The following FHIP2A variants were observed in gnomAD, a reference collection of about 807,000 sequenced individuals.
FHIP2A encodes the protein family with sequence similarity 160 member B1.
Under a neutral mutation model 93.5 loss-of-function variants are expected in FHIP2A, and 46 were observed. That is an observed-to-expected ratio of 0.49 (90% CI 0.39 to 0.63). The LOEUF is 0.63. FHIP2A is among the 20% of genes least tolerant of loss of function. The pLI, the probability that FHIP2A is intolerant of heterozygous loss-of-function variation, is 0.00. For synonymous variants in FHIP2A, 332 were observed against 326.5 expected (o/e 1.02, Z -0.18); for missense variants, 769 against 909.7 (o/e 0.85, Z 1.99).
intron 13 of FHIP2A, among the ~76,000 whole-genome samples, chr10:114,851,393 G>A (rs2083734963): frequency 6.6e-6 from 1 of 152,040 alleles, no homozygotes; most frequent in Non-Finnish European, 1.5e-5. Context: ...GTTAATTATT[G>A]TATATAGTGT....
In FHIP2A at chr10:114,881,334, C is replaced by A. The variant is rs74158085; in HGVS notation, c.2193-18156C>A. ...CAAGAGTAAGGGAGATAAACTGGAACAATATTTGGAAAATAATCCCAGTTG... is the reference window on the plus strand; with the variant it reads ...CAAGAGTAAGGGAGATAAACTGGAAAAATATTTGGAAAATAATCCCAGTTG... On this transcript the variant is annotated intron_variant, in intron 16 of 16. Transcript: ENST00000369250. Among the ~76,000 whole-genome samples, 541 of 152,286 alleles carry A rather than the reference C, an allele frequency of 3.6e-3. 4 individuals are homozygous for A. Among genetic ancestry groups the A allele is most frequent in the African/African-American group, 0.013 (526 of 41,556 alleles).
chr10:114,876,993 T>TTGA (rs35032987), intron 16 of FHIP2A, among the ~76,000 whole-genome samples: 84,629 of 151,768 alleles, frequency 0.56, 24,518 homozygotes, highest in African/African-American at 0.72. Context: ...CTTCCCAGTA[T>TTGA]TGAGCAATTC....
At chr10:114,861,377 G>A in intron 16 of FHIP2A, 43 bp downstream of exon 16, 9 of 1,613,804 alleles carry the variant, frequency 5.6e-6, no homozygotes, top group Non-Finnish European at 7.6e-6. Flanking sequence ...AAATTTCAGT[G>A]AACTTAATGA....
In FHIP2A at chr10:114,845,358, G is replaced by A; in HGVS notation, c.1014-9G>A. 1.3e-6 allele frequency: 2 copies of A among 1,540,644 alleles called. No homozygotes were observed. Among genetic ancestry groups the A allele is most frequent in the East Asian group, 2.3e-5 (1 of 44,390 alleles). On this transcript the variant is annotated splice_polypyrimidine_tract_variant and intron_variant, in intron 7 of 16. Transcript: ENST00000369248. ...ACTTTGGACTTAGCAATTCTTCCTTGTCTTACAGCTTGGACTCATATAGTC... is the reference window on the plus strand; with the variant it reads ...ACTTTGGACTTAGCAATTCTTCCTTATCTTACAGCTTGGACTCATATAGTC...
At position 114,833,380 on chromosome 10, in the gene FHIP2A, T is replaced by C; in HGVS notation, c.272T>C (p.Leu91Ser). 2 of 1,613,946 alleles carry C rather than the reference T, an allele frequency of 1.2e-6. No individual in the cohort carries two copies. Among genetic ancestry groups the C allele is most frequent in the Non-Finnish European group, 1.7e-6 (2 of 1,179,914 alleles). Residue 91 changes from leucine (L) to serine (S), a missense_variant, in exon 3 of 17, where the codon TTA (leucine) becomes TCA (serine). Transcript: ENST00000369248. ...YLLHHKILET[L>S]YTLGKADCPP... Reference sequence around the variant, plus strand: ...CTTCATCACAAGATCTTGGAAACATTATATACCTTGGGGAAAGCTGATGTA... The same window carrying C: ...CTTCATCACAAGATCTTGGAAACATCATATACCTTGGGGAAAGCTGATGTA...
chr10:114,836,350 A>G, intron 5 of FHIP2A, 104 bp downstream of exon 5: 1 of 917,530 alleles, frequency 1.1e-6, no homozygotes, highest in Non-Finnish European at 1.6e-6. Context: ...TTTGCAGGTT[A>G]TTAGCTTGTT....
chr10:114,898,282 C>T (rs905738750), intron 16 of FHIP2A, among the ~76,000 whole-genome samples: 2 of 152,182 alleles, frequency 1.3e-5, no homozygotes. Flanking sequence ...GTGCAAGAGG[C>T]TTCTTTTTCC....
intron 14 of FHIP2A, among the ~76,000 whole-genome samples, chr10:114,858,792 A>G (rs2083781282): frequency 6.6e-6 from 1 of 152,190 alleles, no homozygotes; most frequent in Non-Finnish European, 1.5e-5. Context: ...AATAAGTTCT[A>G]GTATTCAGTA....
chr10:114,832,673 T>C (rs1028274782), intron 2 of FHIP2A, among the ~76,000 whole-genome samples: 2 of 151,952 alleles, frequency 1.3e-5, no homozygotes, highest in East Asian at 3.9e-4. Context: ...TGAATTACTG[T>C]GGATAGATGA....
At chr10:114,825,741 C>T (rs1357393918) in intron 1 of FHIP2A, among the ~76,000 whole-genome samples, 1 of 152,192 alleles carries the variant, frequency 6.6e-6, no homozygotes, top group African/African-American at 2.4e-5. Flanking sequence ...AACACAACTT[C>T]TTCAAAAGAT....
Position 114,862,862 on chromosome 10 carries a change from G to A in FHIP2A, c.*1322G>A, listed in dbSNP as rs144534098. The A allele has an allele frequency of 3.9e-4, 382 of 985,382 alleles. No homozygotes were observed. The highest frequency in any genetic ancestry group is 5.5e-4 in the Admixed American group (9 of 16,292). The allele number at this position is 985,382 out of a possible 1,614,324, so 61.0% of individuals were successfully genotyped here. On this transcript the variant is annotated 3_prime_UTR_variant, in exon 17 of 17. Coordinates refer to ENST00000369248, the MANE Select transcript of FHIP2A (RefSeq NM_020940.4). ...GGGGGAACAGGCTATCAAAGGTTCC[G>A]GCTTGAAGGGAACTGTCACTACCCC...
At chr10:114,833,447 A>G (rs367953662) in intron 3 of FHIP2A, 45 bp downstream of exon 3, 13 of 1,519,192 alleles carry the variant, frequency 8.6e-6, no homozygotes, top group African/African-American at 8.3e-5. Context: ...TAGTACATGC[A>G]TTAATGTCTT....
intron 12 of FHIP2A, among the ~76,000 whole-genome samples, 181 bp downstream of exon 12, chr10:114,847,414 A>T (rs2083708262): frequency 6.6e-6 from 1 of 150,818 alleles, no homozygotes; most frequent in Non-Finnish European, 1.5e-5. Context: ...CCAGCCTCCC[A>T]AGTAGCTGGG....
In FHIP2A at chr10:114,821,927, G is replaced by A. The variant is rs1486169192; in HGVS notation, c.-152G>A. ...GCCCGCGCACACCTGAAGCGGCCGG[G>A]CCAGGCCCTGCCTCGATCCTCAGCT... On this transcript the variant is annotated 5_prime_UTR_variant, in exon 1 of 17. Coordinates refer to ENST00000369248, the MANE Select transcript of FHIP2A (RefSeq NM_020940.4). The A allele has an allele frequency of 1.7e-5, 6 of 362,910 alleles. No individual in the cohort carries two copies. Among genetic ancestry groups the A allele is most frequent in the Non-Finnish European group, 2.4e-5 (5 of 210,414 alleles). 22.5% of individuals were successfully genotyped at this position (362,910 alleles called of 1,614,324 possible). A position where few individuals can be genotyped will look rare whatever the true frequency, so the allele number is the denominator to read the frequency against.
chr10:114,888,512 G>C (rs1269075137), intron 16 of FHIP2A, among the ~76,000 whole-genome samples: 1 of 152,226 alleles, frequency 6.6e-6, no homozygotes, highest in Non-Finnish European at 1.5e-5. Flanking sequence ...GAACTGCAAA[G>C]TGTCCGTAAG....
intron 16 of FHIP2A, among the ~76,000 whole-genome samples, chr10:114,881,804 C>T (rs1191629712): frequency 6.6e-6 from 1 of 152,228 alleles, no homozygotes; most frequent in Non-Finnish European, 1.5e-5. Flanking sequence ...CTGCTAGACT[C>T]GCTCTCCCTA....
In FHIP2A at chr10:114,897,950, A is replaced by T. The variant is rs570152836; in HGVS notation, c.2193-1540A>T. ...GGGACTGTGACTGAACTTGAGAATT[A>T]TTACTATTGGGATTGTGTGTTTCCT... is the stretch of plus-strand genomic sequence containing the variant. On this transcript the variant is annotated intron_variant, in intron 16 of 16. Transcript: ENST00000369250. 2.0e-5 allele frequency among the ~76,000 whole-genome samples: 3 copies of T among 152,266 alleles called. No homozygotes were observed. The South Asian group carries it at 6.2e-4, about 32-fold the overall frequency.
In FHIP2A at chr10:114,848,664, C is replaced by T. The variant is rs2083716481; in HGVS notation, c.1730C>T (p.Pro577Leu). 6.2e-7 allele frequency: 1 copy of T among 1,611,210 alleles called. No homozygotes were observed. The highest frequency in any genetic ancestry group is 8.5e-7 in the Non-Finnish European group (1 of 1,178,258). Residue 577 changes from proline (P) to leucine (L), a missense_variant, in exon 13 of 17, where the codon CCG becomes CTG. Transcript: ENST00000369248. ...KIVNSFLCLV[P>L]DDAKSSYHVE... ...CATTTAAGTTTTCTCTGTCTGGTAC[C>T]GGATGACGCAAAATCCTCCTACCAT...
chr10:114,828,301 C>G (rs17663387), intron 1 of FHIP2A, among the ~76,000 whole-genome samples: 80,313 of 151,978 alleles, frequency 0.53, 21,577 homozygotes, highest in African/African-American at 0.62. Flanking sequence ...CACAAATGCA[C>G]TAAGACTTCT....
Sources: gnomAD v4.1 joint callset for allele counts (sites outside exome capture counted in the v4.1 genomes callset) on GRCh38, gnomAD v4.1.1 for gene constraint, MANE v1.5 for transcripts, NCBI Gene and HGNC (gene_info 2026-07-23, HGNC 2026-07-21) for gene names.